Variants in HERC2 observed in about 807,000 individuals in gnomAD.
HERC2 encodes E3 ubiquitin-protein ligase HERC2.
Under a neutral mutation model 537.7 loss-of-function variants are expected in HERC2, and 102 were observed. That is an observed-to-expected ratio of 0.19 (90% CI 0.16 to 0.22). HERC2 has a LOEUF of 0.22. HERC2 is among the 10% of genes least tolerant of loss of function. The pLI, the probability that HERC2 is intolerant of heterozygous loss-of-function variation, is 1.00. For synonymous variants in HERC2, 2,224 were observed against 2,466.2 expected, an observed-to-expected ratio of 0.90 and a Z score of 2.91; for missense variants, 4,236 against 6,198.2, an observed-to-expected ratio of 0.68 and a Z score of 10.63.
At chr15:28,172,351 A>C (rs376656479) in intron 65 of HERC2, among the ~76,000 whole-genome samples, 1 of 152,108 alleles carries the variant, frequency 6.6e-6, no homozygotes, top group South Asian at 2.1e-4. Context: ...AAGCTAAAGA[A>C]CTCTTGCAAC....
chr15:28,216,699 T>C (rs1899942510), intron 38 of HERC2, among the ~76,000 whole-genome samples: 1 of 150,358 alleles, frequency 6.7e-6, no homozygotes, highest in African/African-American at 2.5e-5. Flanking sequence ...GACACACTCA[T>C]GGGCACTCAT....
intron 2 of HERC2, among the ~76,000 whole-genome samples, chr15:28,304,122 C>A (rs141538748): frequency 3.1e-5 from 4 of 128,520 alleles, no homozygotes; most frequent in African/African-American, 8.6e-5. Flanking sequence ...GCCGAGATTG[C>A]GCCATTGCTT....
At chr15:28,117,590 G>T (rs1451028182) in intron 86 of HERC2, 4 of 467,098 alleles carry the variant, frequency 8.6e-6, no homozygotes, top group African/African-American at 2.0e-5. Context: ...CAGCAGACCA[G>T]AACAGACTCC....
At chr15:28,238,052 T>A in intron 25 of HERC2, 62 bp downstream of exon 25, 1 of 956,296 alleles carries the variant, frequency 1.0e-6, no homozygotes, top group East Asian at 2.4e-5. Context: ...AATATTCCTA[T>A]CACAAACACA....
At chr15:28,150,113 C>T (rs868491058) in intron 70 of HERC2, among the ~76,000 whole-genome samples, 9 of 151,886 alleles carry the variant, frequency 5.9e-5, no homozygotes, top group Non-Finnish European at 5.9e-5. Context: ...AAAACACACA[C>T]GGCTCCTAAC....
Position 28,113,243 on chromosome 15 carries a change from G to A in HERC2, c.14060C>T (p.Ser4687Leu), listed in dbSNP as rs772969358. 7 of 1,614,146 alleles carry A rather than the reference G, an allele frequency of 4.3e-6. No individual in the cohort carries two copies. The African/African-American group carries it at 6.7e-5, about 15-fold the overall frequency. The change falls in exon 92 of 93, where the codon TCG (serine) becomes TTG (leucine). Residue 4687 changes from serine to leucine, a missense_variant. Transcript: ENST00000261609. The surrounding 1 kb of genome is among the most constrained non-coding windows in gnomAD (Gnocchi z 7.0). ...SPDIPLHLLK[S>L]VATYKGIEPS... is the part of the protein sequence containing the mutation. ...CTCGATGCCTTTATAGGTGGCCACC[G>A]ACTTGAGAAGGTGCAGCGGGATGTC...
intron 4 of HERC2, among the ~76,000 whole-genome samples, chr15:28,290,550 TGAAACATTC>T (rs1225009968): frequency 6.6e-5 from 10 of 152,288 alleles, no homozygotes; most frequent in Non-Finnish European, 1.5e-5. Context: ...TATGTGTGCA[TGAAACATTC>T]CACAGAATAC....
At chr15:28,266,033 T>C (rs1351531002) in intron 12 of HERC2, 59 bp from the exon 13 acceptor site, 4 of 1,573,072 alleles carry the variant, frequency 2.5e-6, no homozygotes, top group African/African-American at 2.7e-5. Flanking sequence ...TTCTTATTAA[T>C]GTTAACAAAG....
At chr15:28,188,130 C>A (rs866236010) in intron 55 of HERC2, among the ~76,000 whole-genome samples, 2 of 151,238 alleles carry the variant, frequency 1.3e-5, no homozygotes, top group African/African-American at 2.4e-5. Flanking sequence ...AGAAAAAAAA[C>A]CAAGAGTGAC....
At chr15:28,255,395 C>T (rs755618380) in intron 19 of HERC2, among the ~76,000 whole-genome samples, 1 of 152,148 alleles carries the variant, frequency 6.6e-6, no homozygotes, top group Non-Finnish European at 1.5e-5. Flanking sequence ...AATGAACAAA[C>T]AGTACTACAC....
At position 28,115,459 on chromosome 15, in the gene HERC2, C is replaced by T; in HGVS notation, c.13692G>A (p.Gly4564=). 1 of 1,614,024 alleles carries T rather than the reference C, an allele frequency of 6.2e-7. No homozygotes were observed. Among genetic ancestry groups the T allele is most frequent in the Non-Finnish European group, 8.5e-7 (1 of 1,179,978 alleles). ...TGAGGTCCGCGATGGTGAGGCTCAT[C>T]CCAGCCAGCTGCTTCCAGACAGGCT... ...LAEPVWKQLA[G]MSLTIADLSE... Residue 4564 remains glycine (G), a synonymous_variant, in exon 89 of 93, where the codon GGG becomes GGA. Transcript: ENST00000261609.
chr15:28,176,403 T>TG lies in HERC2; in HGVS notation c.9686+24dup. On this transcript the variant is annotated intron_variant, in intron 63 of 92. Coordinates refer to ENST00000261609, the MANE Select transcript of HERC2 (RefSeq NM_004667.6). The surrounding 1 kb of genome is among the most constrained non-coding windows in gnomAD (Gnocchi z 5.0). ...CACACACCTGCACAAGCACACACAG[T>TG]GTGACAGGGAGGACGTTTACGTACC... is the stretch of plus-strand genomic sequence containing the variant. 7 of 1,612,340 alleles carry TG rather than the reference T, an allele frequency of 4.3e-6. No homozygotes were observed. Among genetic ancestry groups the TG allele is most frequent in the Non-Finnish European group, 5.1e-6 (6 of 1,178,690 alleles).
intron 2 of HERC2, among the ~76,000 whole-genome samples, chr15:28,304,366 CTT>C (rs567606595): frequency 2.9e-5 from 4 of 137,420 alleles, no homozygotes; most frequent in Admixed American, 7.3e-5. Context: ...TTTATTTCTT[CTT>C]TTTTTTTTTT....
rs151115059 is a variant in HERC2, at chr15:28,215,732, G to T, written c.6099C>A (p.Ile2033=). 6.8e-6 allele frequency: 11 copies of T among 1,611,848 alleles called. No individual in the cohort carries two copies. In the African/African-American group the frequency reaches 1.1e-4, roughly 16 times the overall value. The stretch of plus-strand genomic sequence containing the variant: ...CGCCGCATACCTGCGGCGTGAGAGC[G>T]ATGCTCCGCACAAACCCCAGCGTGC... The part of the protein sequence containing the change: ...SWCTLGFVRS[I]ALTPQVCGAL... Residue 2033 remains isoleucine (I), a synonymous_variant, in exon 39 of 93, where the codon ATC becomes ATA. Transcript: ENST00000261609.
chr15:28,206,996 C>T (rs1261547153), intron 44 of HERC2, among the ~76,000 whole-genome samples: 2 of 150,700 alleles, frequency 1.3e-5, no homozygotes, highest in Admixed American at 6.6e-5. Context: ...GGTGACAGAG[C>T]GAGACTCCAT....
rs146213654 is a variant in HERC2 at position 28,168,449 on chromosome 15, G to A, written c.10371C>T (p.Ile3457=). 6 of 1,613,962 alleles carry A rather than the reference G, an allele frequency of 3.7e-6. No homozygotes were observed. Among genetic ancestry groups the A allele is most frequent in the South Asian group, 1.1e-5 (1 of 91,062 alleles). ...ATGGATTTGGACTCAGTCTGTCTTC[G>A]ATATCAACAGCCAGCATGCATTCTT... ...NGEECMLAVD[I]EDRLSPNPWQ... The change falls in exon 67 of 93, where the codon ATC becomes ATT. Residue 3457 remains isoleucine, a synonymous_variant. Coordinates refer to ENST00000261609, the MANE Select transcript of HERC2 (RefSeq NM_004667.6).
rs192054604 is a variant in HERC2 at position 28,197,827 on chromosome 15, C to A, written c.8011+551G>T. Among the ~76,000 whole-genome samples, 8 of 152,296 alleles carry A rather than the reference C, an allele frequency of 5.3e-5. No homozygotes were observed. The East Asian group carries it at 1.4e-3, about 26-fold the overall frequency. On this transcript the variant is annotated intron_variant, in intron 50 of 92. Transcript: ENST00000261609. Reference sequence around the variant, plus strand: ...CAGAATAACTGACAGGACAAGTTTACAGAACACGAACATCAGGTAAGGCCA... The same window carrying A: ...CAGAATAACTGACAGGACAAGTTTAAAGAACACGAACATCAGGTAAGGCCA...
Position 28,149,859 on chromosome 15 carries a change from T to C in HERC2, c.10900+2818A>G, listed in dbSNP as rs182101689. The stretch of plus-strand genomic sequence containing the variant: ...CGAGAACAGCCACACGAACGCACAT[T>C]CTAGTAAAATTACCAAAAAAACACA... On this transcript the variant is annotated intron_variant, in intron 70 of 92. Transcript: ENST00000261609. 3.9e-3 allele frequency among the ~76,000 whole-genome samples: 589 copies of C among 151,462 alleles called. 2 individuals are homozygous for C. Among genetic ancestry groups the C allele is most frequent in the African/African-American group, 0.013 (554 of 41,216 alleles).
intron 34 of HERC2, among the ~76,000 whole-genome samples, chr15:28,228,648 T>C (rs79087600): frequency 0.07 from 10,583 of 152,014 alleles, 893 homozygotes; most frequent in East Asian, 0.42. Flanking sequence ...ATAAACGTAA[T>C]GCAGAAAGCA....
Sources: allele counts gnomAD v4.1 joint callset (sites outside exome capture counted in the v4.1 genomes callset), GRCh38; gene constraint gnomAD v4.1.1; non-coding constraint Gnocchi (gnomAD v3.1); transcripts MANE v1.5; gene names NCBI Gene and HGNC (gene_info 2026-07-23, HGNC 2026-07-21).